Variants in PALS2 observed in about 807,000 individuals in gnomAD.
PALS2 encodes protein associated with LIN7 2, MAGUK p55 family member, also known as protein PALS2.
Under a neutral mutation model 61.6 loss-of-function variants are expected in PALS2, and 27 were observed. The observed-to-expected ratio is 0.44, with a 90% CI of 0.32 to 0.60. The LOEUF is 0.60. Among genes scored for constraint, PALS2 ranks in the 20% least tolerant of loss-of-function variants. The pLI is 0.05. For missense variants in PALS2, 554 were observed against 639.4 expected, an observed-to-expected ratio of 0.87 and a Z score of 1.44; for synonymous variants, 236 against 218.6, an observed-to-expected ratio of 1.08 and a Z score of -0.70.
chr7:24,660,267 T>TG (rs1786648534), intron 5 of PALS2, among the ~76,000 whole-genome samples: 1 of 151,864 alleles, frequency 6.6e-6, no homozygotes, highest in African/African-American at 2.4e-5. Flanking sequence ...TCAAAAAATG[T>TG]AATATGTATT....
chr7:24,680,013 C>A (rs1009782225), intron 10 of PALS2, among the ~76,000 whole-genome samples: 1 of 151,878 alleles, frequency 6.6e-6, no homozygotes, highest in African/African-American at 2.4e-5. Flanking sequence ...AGCTTTTTTT[C>A]TTTGTAATTG....
chr7:24,576,753 A>G (rs1583817506), intron 1 of PALS2, among the ~76,000 whole-genome samples: 2 of 152,188 alleles, frequency 1.3e-5, no homozygotes, highest in South Asian at 2.1e-4. Flanking sequence ...AAGTGTATCT[A>G]TATCCAAACC....
At chr7:24,626,543 G>A (rs1784751164) in intron 2 of PALS2, among the ~76,000 whole-genome samples, 1 of 152,082 alleles carries the variant, frequency 6.6e-6, no homozygotes, top group Admixed American at 6.5e-5. Flanking sequence ...AACCTTAGAT[G>A]TAAATGGCTA....
At chr7:24,679,876 A>G (rs963817727) in intron 10 of PALS2, among the ~76,000 whole-genome samples, 12 of 152,186 alleles carry the variant, frequency 7.9e-5, no homozygotes, top group Non-Finnish European at 1.5e-4. Flanking sequence ...ACAAATATAT[A>G]TAAGGTAATG....
intron 1 of PALS2, among the ~76,000 whole-genome samples, chr7:24,590,398 G>C (rs1783238395): frequency 6.6e-6 from 1 of 152,090 alleles, no homozygotes; most frequent in Non-Finnish European, 1.5e-5. Flanking sequence ...GTTTGCCAAG[G>C]CTTTTCTTTG....
Position 24,668,573 on chromosome 7 carries a change from T to C in PALS2, c.1027T>C (p.Leu343=). The change falls in exon 9 of 12, where the codon TTG becomes CTG. Residue 343 remains leucine (L), a synonymous_variant. Coordinates refer to ENST00000222644, the MANE Select transcript of PALS2 (RefSeq NM_001303037.2). ...MPPFQRKTLV[L]IGAQGVGRRS... ...TCCCTTCCAGAGAAAAACATTAGTA[T>C]TGATAGGAGCTCAAGGTGTAGGCCG... 6.2e-7 allele frequency: 1 copy of C among 1,613,832 alleles called. No individual in the cohort carries two copies. Among genetic ancestry groups the C allele is most frequent in the Non-Finnish European group, 8.5e-7 (1 of 1,179,834 alleles).
chr7:24,673,442 T>C (rs1489790044), intron 9 of PALS2, among the ~76,000 whole-genome samples: 1 of 152,194 alleles, frequency 6.6e-6, no homozygotes, highest in African/African-American at 2.4e-5. Flanking sequence ...CTTTCCTCTT[T>C]CATTGTTTGG....
At chr7:24,599,818 T>C (rs1386700907) in intron 1 of PALS2, among the ~76,000 whole-genome samples, 1 of 152,026 alleles carries the variant, frequency 6.6e-6, no homozygotes, top group African/African-American at 2.4e-5. Context: ...TAAGCTTTTT[T>C]CTATTAATTT....
At chr7:24,628,531 G>A (rs1014278703) in intron 2 of PALS2, among the ~76,000 whole-genome samples, 4 of 152,084 alleles carry the variant, frequency 2.6e-5, no homozygotes, top group African/African-American at 4.8e-5. Flanking sequence ...GAAATAAAGC[G>A]TATTCAAATA....
chr7:24,634,510 G>A (rs371323183), intron 2 of PALS2, among the ~76,000 whole-genome samples: 5 of 152,160 alleles, frequency 3.3e-5, no homozygotes, highest in Admixed American at 2.0e-4. Context: ...GATTACAGTC[G>A]TGAGCCACCA....
chr7:24,632,077 ATC>A (rs1785020214), intron 2 of PALS2, among the ~76,000 whole-genome samples: 1 of 152,194 alleles, frequency 6.6e-6, no homozygotes, highest in African/African-American at 2.4e-5. Flanking sequence ...AGATTAACCT[ATC>A]TCTTTTTGCA....
At chr7:24,649,076 T>C (rs1786001373) in intron 3 of PALS2, among the ~76,000 whole-genome samples, 1 of 152,176 alleles carries the variant, frequency 6.6e-6, no homozygotes, top group South Asian at 2.1e-4. Context: ...CCTTTATTGG[T>C]AATATAAAAT....
intron 1 of PALS2, among the ~76,000 whole-genome samples, chr7:24,587,556 T>A (rs1478150582): frequency 6.6e-6 from 1 of 151,520 alleles, no homozygotes; most frequent in African/African-American, 2.4e-5. Flanking sequence ...TTTTAATGTT[T>A]TTAGAGTCCA....
At chr7:24,610,037 G>A (rs142286006) in intron 1 of PALS2, among the ~76,000 whole-genome samples, 78 of 152,150 alleles carry the variant, frequency 5.1e-4, no homozygotes, top group Middle Eastern at 3.4e-3. Flanking sequence ...GTGTGTCCCC[G>A]TGTGTCTCAT....
intron 1 of PALS2, among the ~76,000 whole-genome samples, chr7:24,613,475 T>G (rs1276227813): frequency 1.3e-5 from 2 of 151,892 alleles, no homozygotes; most frequent in African/African-American, 4.8e-5. Flanking sequence ...ATTGACACAT[T>G]AATAATTGTA....
intron 2 of PALS2, among the ~76,000 whole-genome samples, chr7:24,631,693 GA>G (rs1424108986): frequency 6.6e-6 from 1 of 152,128 alleles, no homozygotes; most frequent in Non-Finnish European, 1.5e-5. Flanking sequence ...CTTATTTTAA[GA>G]AATTGCCACA....
At chr7:24,636,468 G>A (rs1214799075) in intron 2 of PALS2, among the ~76,000 whole-genome samples, 1 of 152,138 alleles carries the variant, frequency 6.6e-6, no homozygotes, top group East Asian at 1.9e-4. Context: ...TTGATACACA[G>A]TAGGTGACTA....
intron 3 of PALS2, among the ~76,000 whole-genome samples, chr7:24,645,338 T>C (rs1215285571): frequency 6.6e-6 from 1 of 152,246 alleles, no homozygotes; most frequent in Admixed American, 6.5e-5. Context: ...TGCATATGGC[T>C]AGCTGGTTAT....
intron 3 of PALS2, among the ~76,000 whole-genome samples, chr7:24,648,713 A>C (rs148564553): frequency 1.3e-5 from 2 of 151,760 alleles, no homozygotes; most frequent in Non-Finnish European, 2.9e-5. Context: ...AGACCATCCT[A>C]GCTAACACGG....
Sources: gnomAD v4.1 joint callset for allele counts (sites outside exome capture counted in the v4.1 genomes callset) on GRCh38, gnomAD v4.1.1 for gene constraint, MANE v1.5 for transcripts, NCBI Gene and HGNC (gene_info 2026-07-23, HGNC 2026-07-21) for gene names.